The following SLIT3 variants were observed in gnomAD, a reference collection of about 807,000 sequenced individuals.
The protein encoded by SLIT3 is slit guidance ligand 3.
A neutral mutation model predicts 184.0 loss-of-function variants in SLIT3; 68 were observed. The ratio of observed to expected loss-of-function variants is 0.37; its 90% CI spans 0.30 to 0.45. SLIT3 has a LOEUF of 0.45. SLIT3 is among the 20% of genes least tolerant of loss of function. The probability of loss-of-function intolerance (pLI) is 1.00; values close to 1 mark genes in which losing one functional copy is unlikely to be tolerated. For synonymous variants in SLIT3, 831 were observed against 828.6 expected, an observed-to-expected ratio of 1.00 and a Z score of -0.05; for missense variants, 1,707 against 2,026.0, an observed-to-expected ratio of 0.84 and a Z score of 3.02.
chr5:169,005,857 T>C (rs1026367225), intron 4 of SLIT3, among the ~76,000 whole-genome samples: 2 of 152,238 alleles, frequency 1.3e-5, no homozygotes, highest in Non-Finnish European at 2.9e-5. Context: ...AAAGGCAACC[T>C]ATGTTATTGC....
At chr5:168,778,697 C>T (rs1406552135) in intron 12 of SLIT3, among the ~76,000 whole-genome samples, 2 of 152,230 alleles carry the variant, frequency 1.3e-5, no homozygotes, top group African/African-American at 4.8e-5. Context: ...TCCCCTTACT[C>T]TGAGCAGGCC....
chr5:168,741,296 C>T (rs1325142831), intron 20 of SLIT3, among the ~76,000 whole-genome samples: 1 of 151,872 alleles, frequency 6.6e-6, no homozygotes, highest in Non-Finnish European at 1.5e-5. Flanking sequence ...TGGTGAAACC[C>T]CGTCTCTACT....
chr5:168,985,857 G>A (rs762706294), intron 4 of SLIT3, among the ~76,000 whole-genome samples: 11 of 152,124 alleles, frequency 7.2e-5, no homozygotes, highest in Non-Finnish European at 1.3e-4. Flanking sequence ...TAGGAAGAGA[G>A]ATACAGAGAC....
intron 4 of SLIT3, among the ~76,000 whole-genome samples, chr5:168,987,259 C>T (rs1285490325): frequency 6.6e-6 from 1 of 152,176 alleles, no homozygotes; most frequent in Non-Finnish European, 1.5e-5. Context: ...CAGAGTCACT[C>T]CCTGCTTTGC....
rs1398987385 is a variant in SLIT3 at position 169,300,911 on chromosome 5, T to C, written c.-202A>G. 1.4e-5 allele frequency: 4 copies of C among 282,308 alleles called. No individual in the cohort carries two copies. Among genetic ancestry groups the C allele is most frequent in the Non-Finnish European group, 2.5e-5 (4 of 159,284 alleles). The allele number at this position is 282,308 out of a possible 1,614,324, so 17.5% of individuals were successfully genotyped here. On this transcript the variant is annotated 5_prime_UTR_variant, in exon 1 of 36. Transcript: ENST00000519560. This position sits in a 1 kb window ranked among gnomAD's most constrained non-coding sequence, Gnocchi z 4.1. ...CGGCGGCGGCGGCAGCAACAGCAGC[T>C]CCATCGGCGGGGCCGGCGCTGCCCC...
intron 4 of SLIT3, among the ~76,000 whole-genome samples, chr5:169,019,905 C>A (rs1756533674): frequency 6.6e-6 from 1 of 152,178 alleles, no homozygotes; most frequent in African/African-American, 2.4e-5. Flanking sequence ...CAGTTCTTTG[C>A]AGATAGTTTA....
At chr5:168,950,289 G>A (rs1414893547) in intron 4 of SLIT3, among the ~76,000 whole-genome samples, 1 of 152,114 alleles carries the variant, frequency 6.6e-6, no homozygotes, top group Non-Finnish European at 1.5e-5. Flanking sequence ...ATCCGCTGGA[G>A]CTTTGATCTT....
At chr5:168,690,671 A>G (rs1761880495) in intron 29 of SLIT3, among the ~76,000 whole-genome samples, 1 of 152,058 alleles carries the variant, frequency 6.6e-6, no homozygotes, top group Admixed American at 6.6e-5. Context: ...GGTATCTCTC[A>G]CCCTTGTACT....
chr5:169,293,073 C>G (rs898643671), intron 1 of SLIT3, among the ~76,000 whole-genome samples: 2 of 152,162 alleles, frequency 1.3e-5, no homozygotes, highest in Admixed American at 1.3e-4. Context: ...GGATGGAGTA[C>G]GAGGCCTATG....
chr5:169,297,374 A>G (rs887191447), intron 1 of SLIT3, among the ~76,000 whole-genome samples: 2 of 152,174 alleles, frequency 1.3e-5, no homozygotes, highest in African/African-American at 2.4e-5. Flanking sequence ...CCAGGCCTGA[A>G]GCAAAGTCCA....
At chr5:168,709,894 T>C (rs1445163536) in intron 25 of SLIT3, among the ~76,000 whole-genome samples, 1 of 151,974 alleles carries the variant, frequency 6.6e-6, no homozygotes, top group East Asian at 1.9e-4. Flanking sequence ...GAGAGTCTAA[T>C]GAAAAATGCA....
intron 21 of SLIT3, among the ~76,000 whole-genome samples, chr5:168,723,883 C>G (rs1314031715): frequency 6.6e-6 from 1 of 152,170 alleles, no homozygotes; most frequent in East Asian, 1.9e-4. Flanking sequence ...GGTGATTCCT[C>G]TAATCAGCTG....
At chr5:168,980,085 G>C (rs1273151309) in intron 4 of SLIT3, among the ~76,000 whole-genome samples, 2 of 152,010 alleles carry the variant, frequency 1.3e-5, no homozygotes, top group African/African-American at 4.8e-5. Flanking sequence ...CCACACTTTA[G>C]AGCAGGGGAC....
At chr5:168,864,229 C>G (rs775747668) in intron 5 of SLIT3, among the ~76,000 whole-genome samples, 3 of 152,076 alleles carry the variant, frequency 2.0e-5, no homozygotes, top group African/African-American at 7.2e-5. Context: ...CAAATACAAG[C>G]ATAATGCTTA....
chr5:168,675,455 A>G (rs1163700775), intron 32 of SLIT3, among the ~76,000 whole-genome samples: 2 of 152,220 alleles, frequency 1.3e-5, no homozygotes, highest in East Asian at 3.9e-4. Flanking sequence ...ATGGAACCAT[A>G]ACCAACCATA....
intron 22 of SLIT3, 70 bp downstream of exon 22, chr5:168,722,863 G>T: frequency 8.4e-7 from 1 of 1,183,568 alleles, no homozygotes; most frequent in Non-Finnish European, 1.3e-6. Context: ...CCTGCTGGGA[G>T]GGAGGGAAAG....
chr5:169,003,435 T>C (rs551973649), intron 4 of SLIT3, among the ~76,000 whole-genome samples: 1 of 152,322 alleles, frequency 6.6e-6, no homozygotes, highest in Admixed American at 6.5e-5. Flanking sequence ...ATTCCATTGC[T>C]AACGTCTCCT....
At chr5:168,975,213 G>C (rs1354230282) in intron 4 of SLIT3, among the ~76,000 whole-genome samples, 1 of 151,592 alleles carries the variant, frequency 6.6e-6, no homozygotes, top group African/African-American at 2.4e-5. Flanking sequence ...AGCAAGTAAA[G>C]TGGACGCAAG....
At chr5:169,275,009 A>G (rs995013187) in intron 1 of SLIT3, among the ~76,000 whole-genome samples, 4 of 152,264 alleles carry the variant, frequency 2.6e-5, no homozygotes, top group Admixed American at 6.5e-5. Context: ...AGCGCTTTGT[A>G]CGGCACACAG....
Sources: gnomAD v4.1 joint callset for allele counts (sites outside exome capture counted in the v4.1 genomes callset) on GRCh38, gnomAD v4.1.1 for gene constraint, Gnocchi (gnomAD v3.1) non-coding constraint, MANE v1.5 for transcripts, NCBI Gene and HGNC (gene_info 2026-07-23, HGNC 2026-07-21) for gene names.